Variants in TMEM220 observed in about 807,000 individuals in gnomAD.
TMEM220 encodes the protein transmembrane protein 220.
In TMEM220, 21 loss-of-function variants were observed where a neutral mutation model predicts 21.7. The observed-to-expected ratio is 0.97, with a 90% CI of 0.69 to 1.39. The LOEUF (loss-of-function observed/expected upper bound fraction) is 1.39. Ranked by LOEUF, TMEM220 falls within the 40% of genes most tolerant of loss-of-function variation. The pLI, the probability that TMEM220 is intolerant of heterozygous loss-of-function variation, is 0.00. For synonymous variants in TMEM220, 80 were observed against 73.6 expected, an observed-to-expected ratio of 1.09 and a Z score of -0.45; for missense variants, 191 against 201.9, an observed-to-expected ratio of 0.95 and a Z score of 0.33.
downstream of TMEM220, among the ~76,000 whole-genome samples, chr17:10,712,997 A>G (rs2074865222): frequency 6.6e-6 from 1 of 152,138 alleles, no homozygotes; most frequent in Admixed American, 6.5e-5. Context: ...GAGGCTGGGT[A>G]TGGTGGCTCA....
At chr17:10,729,190 T>C in intron 1 of TMEM220, 130 bp from the exon 2 acceptor site, 1 of 991,304 alleles carries the variant, frequency 1.0e-6, no homozygotes, top group Non-Finnish European at 1.6e-6. Context: ...GGGTACAAAA[T>C]CTGAACAGGA....
intron 3 of TMEM220, 136 bp from the exon 4 acceptor site, chr17:10,725,270 T>G (rs2075037199): frequency 7.9e-7 from 1 of 1,259,514 alleles, no homozygotes; most frequent in African/African-American, 1.5e-5. Context: ...CGCCCCTTTT[T>G]GTTTTAGGAC....
At chr17:10,726,683 A>G (rs1005914936) in intron 2 of TMEM220, among the ~76,000 whole-genome samples, 13 of 152,210 alleles carry the variant, frequency 8.5e-5, no homozygotes, top group African/African-American at 3.1e-4. Context: ...TTTGGACCCA[A>G]TGGACCATCC....
intron 3 of TMEM220, 70 bp from the exon 4 acceptor site, chr17:10,725,204 G>A (rs2075036172): frequency 1.3e-6 from 2 of 1,589,448 alleles, no homozygotes; most frequent in Non-Finnish European, 1.7e-6. Context: ...TGATCTTTTT[G>A]TATGTTTTGC....
intron 2 of TMEM220, among the ~76,000 whole-genome samples, chr17:10,727,203 C>T (rs2075059016): frequency 1.4e-5 from 2 of 148,116 alleles, no homozygotes; most frequent in African/African-American, 2.5e-5. Flanking sequence ...TGGGGGGGGT[C>T]TCGCTATGTT....
rs2074896418 is a variant in TMEM220 at position 10,715,191 on chromosome 17, C to T, written c.*262G>A. Reference sequence around the variant, plus strand: ...ATAGTTACAAAGTTAAGTTAGAACTCGTATTTTTAAACTTCTATTCTCTAG... The same window carrying T: ...ATAGTTACAAAGTTAAGTTAGAACTTGTATTTTTAAACTTCTATTCTCTAG... On this transcript the variant is annotated 3_prime_UTR_variant, in exon 6 of 6. Coordinates refer to ENST00000341871, the MANE Select transcript of TMEM220 (RefSeq NM_001004313.3). 7.3e-6 allele frequency: 2 copies of T among 273,204 alleles called. No homozygotes were observed. Among genetic ancestry groups the T allele is most frequent in the Non-Finnish European group, 1.4e-5 (2 of 147,274 alleles). The allele number at this position is 273,204 out of a possible 1,614,324, so 16.9% of individuals were successfully genotyped here.
intron 5 of TMEM220, among the ~76,000 whole-genome samples, chr17:10,720,975 G>A (rs888664455): frequency 6.6e-6 from 1 of 152,178 alleles, no homozygotes; most frequent in East Asian, 1.9e-4. Flanking sequence ...TGGTACCTCT[G>A]AATTTGAGTA....
Position 10,724,357 on chromosome 17 carries a change from G to A in TMEM220, c.287+654C>T, listed in dbSNP as rs143046520. Reference sequence around the variant, plus strand: ...AGCACTTTGAGAGGCCAAGGAAGGCGGATCACGAGGTCAGGAGTTCAAGAC... The same window carrying A: ...AGCACTTTGAGAGGCCAAGGAAGGCAGATCACGAGGTCAGGAGTTCAAGAC... On this transcript the variant is annotated intron_variant, in intron 4 of 5. Transcript: ENST00000341871. 151 of 152,394 alleles carry A rather than the reference G, an allele frequency of 9.9e-4. 1 individual carries two copies. In the East Asian group the frequency reaches 0.022, roughly 22 times the overall value. 9.4% of individuals were successfully genotyped at this position (152,394 alleles called of 1,614,324 possible).
chr17:10,711,955 T>C (rs1347649417), downstream of TMEM220, among the ~76,000 whole-genome samples: 2 of 152,240 alleles, frequency 1.3e-5, 1 homozygote, highest in Non-Finnish European at 2.9e-5. Context: ...GCATGCCTGT[T>C]GAATACATGG....
intron 5 of TMEM220, among the ~76,000 whole-genome samples, chr17:10,721,638 A>AAAAAAAAG (rs2074993071): frequency 7.3e-6 from 1 of 137,618 alleles, no homozygotes; most frequent in African/African-American, 3.3e-5. Context: ...GAAAAAAAAG[A>AAAAAAAAG]AAAAAAAAAT....
At chr17:10,717,294 A>C (rs2074933330) in intron 5 of TMEM220, among the ~76,000 whole-genome samples, 1 of 152,198 alleles carries the variant, frequency 6.6e-6, no homozygotes. Context: ...TCAACTGTTC[A>C]CCATTAAGTC....
rs983881896 is a variant in TMEM220 at position 10,729,865 on chromosome 17, C to T, written c.-14G>A. The T allele has an allele frequency of 7.6e-7, 1 of 1,311,614 alleles. No homozygotes were observed. Among genetic ancestry groups the T allele is most frequent in the South Asian group, 2.0e-5 (1 of 48,818 alleles). The allele number at this position is 1,311,614 out of a possible 1,614,324, so 81.2% of individuals were successfully genotyped here. On this transcript the variant is annotated 5_prime_UTR_variant, in exon 1 of 6. The change creates a new upstream start codon in the 5' untranslated region. Transcript: ENST00000341871. Reference sequence around the variant, plus strand: ...CGCTGGCGCCATGGCTCGGAGAACACGGCGCGGGGCGGTGAGTCCTGCCAC... The same window carrying T: ...CGCTGGCGCCATGGCTCGGAGAACATGGCGCGGGGCGGTGAGTCCTGCCAC...
chr17:10,729,134 A>AT, intron 1 of TMEM220, 74 bp from the exon 2 acceptor site: 2 of 1,560,140 alleles, frequency 1.3e-6, no homozygotes. Context: ...ATTTAAGCAC[A>AT]TTTTTTATTA....
intron 5 of TMEM220, among the ~76,000 whole-genome samples, chr17:10,723,020 G>A (rs1166443647): frequency 7.0e-6 from 1 of 141,872 alleles, no homozygotes; most frequent in Non-Finnish European, 1.5e-5. Flanking sequence ...TTGCTCTGTC[G>A]CCCAGGCTGG....
chr17:10,724,143 A>T (rs149027950), intron 4 of TMEM220, among the ~76,000 whole-genome samples: 135 of 152,336 alleles, frequency 8.9e-4, no homozygotes, highest in African/African-American at 3.1e-3. Context: ...GTAGGAGTAG[A>T]AAAGAAACAA....
At chr17:10,721,798 C>CA (rs11402237) in intron 5 of TMEM220, among the ~76,000 whole-genome samples, 77,474 of 151,226 alleles carry the variant, frequency 0.51, 20,664 homozygotes, top group African/African-American at 0.66. Flanking sequence ...AAAGTTAAAA[C>CA]AAAAAATTAA....
downstream of TMEM220, among the ~76,000 whole-genome samples, chr17:10,712,134 C>A (rs940313143): frequency 6.6e-6 from 1 of 152,198 alleles, no homozygotes; most frequent in South Asian, 2.1e-4. Flanking sequence ...GGCCATGCTC[C>A]CTGAGGAGGG....
At chr17:10,726,701 T>C (rs1197330781) in intron 2 of TMEM220, among the ~76,000 whole-genome samples, 2 of 152,226 alleles carry the variant, frequency 1.3e-5, no homozygotes, top group African/African-American at 4.8e-5. Context: ...TCCAGGCCAG[T>C]ACTGCATCTC....
intron 5 of TMEM220, among the ~76,000 whole-genome samples, chr17:10,717,391 A>C (rs947308265): frequency 1.3e-5 from 2 of 152,352 alleles, no homozygotes; most frequent in Non-Finnish European, 1.5e-5. Context: ...TGGATGCTGA[A>C]TTTTATGAAA....
Sources: allele counts gnomAD v4.1 joint callset (sites outside exome capture counted in the v4.1 genomes callset), GRCh38; gene constraint gnomAD v4.1.1; transcripts MANE v1.5; gene names NCBI Gene and HGNC (gene_info 2026-07-23, HGNC 2026-07-21).